The following USP15 variants were observed in gnomAD, a reference collection of about 807,000 sequenced individuals.
USP15 encodes ubiquitin specific peptidase 15, also known as ubiquitin carboxyl-terminal hydrolase 15.
In USP15, 18 loss-of-function variants were observed where a neutral mutation model predicts 127.1. The ratio of observed to expected loss-of-function variants is 0.14; its 90% confidence interval spans 0.10 to 0.21. The LOEUF (loss-of-function observed/expected upper bound fraction) is 0.21, where lower values mean the gene tolerates loss of function less well. Ranked by LOEUF, USP15 falls within the 10% of genes least tolerant of loss-of-function variation. USP15 has a pLI of 1.00. For missense variants in USP15, 805 were observed against 1,159.9 expected (o/e 0.69, Z 4.44); for synonymous variants, 364 against 393.7 (o/e 0.92, Z 0.89).
intron 11 of USP15, among the ~76,000 whole-genome samples, chr12:62,386,267 A>G (rs1027529603): frequency 3.9e-5 from 6 of 151,916 alleles, no homozygotes; most frequent in Non-Finnish European, 8.8e-5. Context: ...AGCTTGTAAG[A>G]AAAGTGAAAT....
At position 62,411,537 on chromosome 12, in the gene USP15, T is replaced by C. The variant is rs2068041089; in HGVS notation, c.*7162T>C. 1 of 152,162 alleles carries C rather than the reference T, an allele frequency of 6.6e-6. No homozygotes were observed. The highest frequency in any genetic ancestry group is 2.1e-4 in the South Asian group (1 of 4,830). The allele number at this position is 152,162 out of a possible 1,614,324, so 9.4% of individuals were successfully genotyped here. ...ACCTTTGCCTTCAGCTGACATGAATTATGTTGTCTTTTTGTTTTTTGGTCC... is the reference window on the plus strand; with the variant it reads ...ACCTTTGCCTTCAGCTGACATGAATCATGTTGTCTTTTTGTTTTTTGGTCC... On this transcript the variant is annotated 3_prime_UTR_variant, in exon 22 of 22. Coordinates refer to ENST00000280377, the MANE Select transcript of USP15 (RefSeq NM_001252078.2).
intron 3 of USP15, among the ~76,000 whole-genome samples, chr12:62,309,717 A>T (rs546682497): frequency 2.0e-5 from 3 of 152,100 alleles, no homozygotes; most frequent in Admixed American, 6.6e-5. Flanking sequence ...ACCAAGGTGG[A>T]TATTTTTCAA....
intron 7 of USP15, among the ~76,000 whole-genome samples, chr12:62,350,917 G>T (rs2065949932): frequency 6.6e-6 from 1 of 152,036 alleles, no homozygotes; most frequent in South Asian, 2.1e-4. Flanking sequence ...GAGCCACCTT[G>T]CCCAGCTGGG....
intron 1 of USP15, among the ~76,000 whole-genome samples, chr12:62,273,353 C>T (rs1199481484): frequency 6.6e-6 from 1 of 151,962 alleles, no homozygotes; most frequent in African/African-American, 2.4e-5. Context: ...GCTTACTTTT[C>T]CTCTCTCCTC....
chr12:62,342,702 C>A (rs1042254741), intron 6 of USP15, among the ~76,000 whole-genome samples: 1 of 152,094 alleles, frequency 6.6e-6, no homozygotes, highest in South Asian at 2.1e-4. Context: ...TACTCCAGAC[C>A]CTGTTCGCCT....
chr12:62,271,991 T>A (rs73135253), intron 1 of USP15, among the ~76,000 whole-genome samples: 12,631 of 151,888 alleles, frequency 0.083, 616 homozygotes, highest in Middle Eastern at 0.16. Context: ...GTGAATTTCA[T>A]AGTTTTATTT....
At chr12:62,264,816 C>A (rs142831638) in intron 1 of USP15, among the ~76,000 whole-genome samples, 1 of 152,090 alleles carries the variant, frequency 6.6e-6, no homozygotes, top group African/African-American at 2.4e-5. Flanking sequence ...TTAGTGTATA[C>A]TTAAAGAAAT....
In USP15 at chr12:62,412,304, A is replaced by C. The variant is rs961144827; in HGVS notation, c.*7929A>C. ...ATGGACAGTCTTGCCTCATTTTGAT[A>C]GATACTCACCAGGATGGTGGTTGCT... On this transcript the variant is annotated 3_prime_UTR_variant, in exon 22 of 22. Coordinates refer to ENST00000280377, the MANE Select transcript of USP15 (RefSeq NM_001252078.2). 6.6e-6 allele frequency: 1 copy of C among 152,214 alleles called. No homozygotes were observed. Among genetic ancestry groups the C allele is most frequent in the Non-Finnish European group, 1.5e-5 (1 of 68,038 alleles). 9.4% of individuals were successfully genotyped at this position (152,214 alleles called of 1,614,324 possible).
intron 4 of USP15, among the ~76,000 whole-genome samples, chr12:62,318,910 CTCAG>C (rs1429116086): frequency 1.3e-5 from 2 of 152,190 alleles, no homozygotes; most frequent in African/African-American, 2.4e-5. Context: ...AGAATTTATT[CTCAG>C]TCAGACCACT....
At chr12:62,304,122 C>T (rs1042983220) in intron 3 of USP15, among the ~76,000 whole-genome samples, 4 of 152,154 alleles carry the variant, frequency 2.6e-5, no homozygotes, top group African/African-American at 4.8e-5. Flanking sequence ...ACATTATACA[C>T]TAGCGGTCTT....
intron 8 of USP15, among the ~76,000 whole-genome samples, chr12:62,377,000 GATT>G (rs1163784211): frequency 5.9e-5 from 9 of 151,984 alleles, no homozygotes; most frequent in East Asian, 1.9e-4. Flanking sequence ...CTTCAGAACT[GATT>G]ATTATTTTAA....
chr12:62,279,271 T>A (rs2063582257), intron 1 of USP15: 7 of 152,228 alleles, frequency 4.6e-5, no homozygotes, highest in Admixed American at 4.6e-4. Context: ...GTGACTCATT[T>A]ACTTCATTTA....
chr12:62,414,481 C>G lies in USP15; in HGVS notation c.*10106C>G, dbSNP rs972340789. ...TCAGCCTCCGAAGTAGCTGGGTCTA[C>G]AGGCATGTGCCACCACACCACACCT... On this transcript the variant is annotated 3_prime_UTR_variant, in exon 22 of 22. Transcript: ENST00000280377. The G allele has an allele frequency of 1.3e-5, 2 of 152,272 alleles. No individual in the cohort carries two copies. Among genetic ancestry groups the G allele is most frequent in the Admixed American group, 1.3e-4 (2 of 15,274 alleles). The allele number at this position is 152,272 out of a possible 1,614,324, so 9.4% of individuals were successfully genotyped here.
At chr12:62,348,092 T>C (rs1046140066) in intron 6 of USP15, among the ~76,000 whole-genome samples, 1 of 152,046 alleles carries the variant, frequency 6.6e-6, no homozygotes, top group Non-Finnish European at 1.5e-5. Flanking sequence ...GCCTATAGTT[T>C]CAGTTTCTCA....
At chr12:62,315,045 G>T in intron 4 of USP15, 129 bp downstream of exon 4, 1 of 863,032 alleles carries the variant, frequency 1.2e-6, no homozygotes, top group Non-Finnish European at 1.6e-6. Flanking sequence ...TTCCAGCTTT[G>T]ATACAATGTC....
intron 6 of USP15, among the ~76,000 whole-genome samples, chr12:62,341,686 T>C (rs1166967404): frequency 6.6e-6 from 1 of 152,212 alleles, no homozygotes. Flanking sequence ...ATCCTTTCTT[T>C]AAGAATGTTG....
intron 4 of USP15, among the ~76,000 whole-genome samples, chr12:62,318,146 A>G (rs557159257): frequency 1.3e-5 from 2 of 152,274 alleles, no homozygotes; most frequent in African/African-American, 4.8e-5. Flanking sequence ...GATCTCAACC[A>G]TCAGCCAAGC....
intron 6 of USP15, among the ~76,000 whole-genome samples, chr12:62,328,637 C>G (rs540159471): frequency 6.6e-6 from 1 of 152,174 alleles, no homozygotes; most frequent in East Asian, 1.9e-4. Flanking sequence ...ATCAGTGTCT[C>G]CTGTTCAAAA....
intron 6 of USP15, among the ~76,000 whole-genome samples, chr12:62,345,437 A>C (rs1056702977): frequency 2.0e-5 from 3 of 152,180 alleles, no homozygotes; most frequent in African/African-American, 7.2e-5. Context: ...GCCATTCAGC[A>C]AGTCTCTAGG....
Sources: allele counts gnomAD v4.1 joint callset (sites outside exome capture counted in the v4.1 genomes callset), GRCh38; gene constraint gnomAD v4.1.1; transcripts MANE v1.5; gene names NCBI Gene and HGNC (gene_info 2026-07-23, HGNC 2026-07-21).